The following ZNF277 variants were observed in gnomAD, a reference collection of about 807,000 sequenced individuals.
The protein encoded by ZNF277 is zinc finger protein 277.
ZNF277 carries 55 observed loss-of-function variants against 60.7 expected under a neutral mutation model. The ratio of observed to expected loss-of-function variants is 0.91; its 90% CI spans 0.73 to 1.13. The LOEUF (loss-of-function observed/expected upper bound fraction) is 1.13. Ranked by LOEUF, ZNF277 falls within the 50% of genes most tolerant of loss-of-function variation. The pLI is 0.00. For missense variants in ZNF277, 510 were observed against 523.0 expected (o/e 0.98, Z 0.24); for synonymous variants, 178 against 179.3 (o/e 0.99, Z 0.06).
At chr7:112,283,171 CA>C (rs963459311) in intron 1 of ZNF277, among the ~76,000 whole-genome samples, 1 of 152,004 alleles carries the variant, frequency 6.6e-6, no homozygotes, top group African/African-American at 2.4e-5. Flanking sequence ...AGCAAGGTGC[CA>C]AAAAATCATT....
chr7:112,319,290 C>A lies in ZNF277; in HGVS notation c.557+1017C>A, dbSNP rs1792920075. On this transcript the variant is annotated intron_variant, in intron 5 of 11. Transcript: ENST00000361822. ...TCCCCATCTGGAAGCTATGTAGGGT[C>A]CTACCATGAGTCTCCTCATTCATAT... is the stretch of plus-strand genomic sequence containing the variant. 1.3e-5 allele frequency among the ~76,000 whole-genome samples: 2 copies of A among 152,010 alleles called. 1 individual carries two copies. Among genetic ancestry groups the A allele is most frequent in the South Asian group, 4.1e-4 (2 of 4,830 alleles).
At chr7:112,239,659 A>G (rs553012218) in intron 1 of ZNF277, among the ~76,000 whole-genome samples, 2 of 152,376 alleles carry the variant, frequency 1.3e-5, no homozygotes, top group Admixed American at 6.5e-5. Context: ...GACCTGTCCT[A>G]CAAGACATGC....
rs948770808 is a variant in ZNF277 at position 112,215,957 on chromosome 7, T to C, written c.91+9150T>C. On this transcript the variant is annotated intron_variant, in intron 1 of 11. Transcript: ENST00000361822. ...ATATCCTGTACCCGCTAATCGTAAT[T>C]ACCATTATAAAGCAATTAATAGCAG... 3.3e-5 allele frequency among the ~76,000 whole-genome samples: 5 copies of C among 152,218 alleles called. No homozygotes were observed. The South Asian group carries it at 6.2e-4, about 19-fold the overall frequency.
Position 112,282,568 on chromosome 7 carries a change from G to C in ZNF277, c.92-4305G>C, listed in dbSNP as rs1791972222. Among the ~76,000 whole-genome samples, 3 of 152,346 alleles carry C rather than the reference G, an allele frequency of 2.0e-5. No homozygotes were observed. The South Asian group carries it at 6.2e-4, about 32-fold the overall frequency. On this transcript the variant is annotated intron_variant, in intron 1 of 11. Transcript: ENST00000361822. ...TGTAGCCAGTCAGTAATCAAGAACT[G>C]TACATTTAACCTCTATCCCTCTCCT...
At chr7:112,326,922 G>C (rs1045198428) in intron 5 of ZNF277, among the ~76,000 whole-genome samples, 1 of 152,030 alleles carries the variant, frequency 6.6e-6, no homozygotes, top group Non-Finnish European at 1.5e-5. Context: ...TTTTTGCTAT[G>C]TAAAAGTTAC....
chr7:112,278,501 C>A (rs1445636509), intron 1 of ZNF277, among the ~76,000 whole-genome samples: 1 of 152,106 alleles, frequency 6.6e-6, no homozygotes, highest in Admixed American at 6.6e-5. Context: ...AGGAACTAAC[C>A]TATAATTGAC....
At chr7:112,308,325 A>G (rs1009460521) in intron 4 of ZNF277, among the ~76,000 whole-genome samples, 2 of 151,612 alleles carry the variant, frequency 1.3e-5, no homozygotes, top group Admixed American at 6.6e-5. Context: ...GACCAGCCTG[A>G]CCAACATAGC....
At chr7:112,242,191 T>C (rs1790973042) in intron 1 of ZNF277, among the ~76,000 whole-genome samples, 1 of 151,980 alleles carries the variant, frequency 6.6e-6, no homozygotes, top group African/African-American at 2.4e-5. Context: ...TGAAAGAGTA[T>C]ACAGTACAAT....
chr7:112,330,447 C>T (rs920797027), intron 7 of ZNF277: 8 of 459,666 alleles, frequency 1.7e-5, no homozygotes, highest in Middle Eastern at 5.6e-4. Context: ...CTAGAACTCA[C>T]AGTCATCTTG....
Position 112,238,298 on chromosome 7 carries a change from G to A in ZNF277, c.91+31491G>A, listed in dbSNP as rs193154003. 1.4e-4 allele frequency among the ~76,000 whole-genome samples: 22 copies of A among 152,314 alleles called. No individual in the cohort carries two copies. In the South Asian group the frequency reaches 1.4e-3, roughly 10 times the overall value. On this transcript the variant is annotated intron_variant, in intron 1 of 11. Transcript: ENST00000361822. ...TTGCATTGGAGCTCTGTGCTGCCCT[G>A]TCACAGTGGAAAGCAACACAGGGCA... is the stretch of plus-strand genomic sequence containing the variant.
intron 1 of ZNF277, among the ~76,000 whole-genome samples, chr7:112,235,964 A>G (rs1008082547): frequency 6.6e-6 from 1 of 152,078 alleles, no homozygotes; most frequent in Non-Finnish European, 1.5e-5. Context: ...GGTTTAAGAA[A>G]GTAATCCAGC....
chr7:112,224,622 T>C (rs1477496627), intron 1 of ZNF277, among the ~76,000 whole-genome samples: 1 of 152,110 alleles, frequency 6.6e-6, no homozygotes, highest in Non-Finnish European at 1.5e-5. Context: ...TTTCAGCTAT[T>C]GAGGGTGGTG....
In ZNF277 at chr7:112,338,242, A is replaced by T. The variant is rs563257282; in HGVS notation, c.966+416A>T. ...GAGAGGAGCTAGGGCATGATCCTAC[A>T]GTTCCTTCAGGTGCCAGGATTTAGA... On this transcript the variant is annotated intron_variant, in intron 9 of 11. Coordinates refer to ENST00000361822, the MANE Select transcript of ZNF277 (RefSeq NM_021994.3). Among the ~76,000 whole-genome samples the T allele has an allele frequency of 2.6e-4, 40 of 152,316 alleles. 3 individuals carry two copies. In the South Asian group the frequency reaches 8.1e-3, roughly 31 times the overall value.
At chr7:112,215,407 T>G (rs1037895288) in intron 1 of ZNF277, among the ~76,000 whole-genome samples, 11 of 152,184 alleles carry the variant, frequency 7.2e-5, no homozygotes, top group African/African-American at 1.2e-4. Flanking sequence ...TGATGGCATT[T>G]GGTGGTGTTT....
intron 1 of ZNF277, among the ~76,000 whole-genome samples, chr7:112,273,304 C>T (rs1388626646): frequency 1.3e-5 from 2 of 152,140 alleles, no homozygotes; most frequent in Non-Finnish European, 1.5e-5. Flanking sequence ...CCGAGTTCTG[C>T]CTGGTGTTGC....
chr7:112,211,911 A>G (rs1821758546), intron 1 of ZNF277, among the ~76,000 whole-genome samples: 1 of 152,252 alleles, frequency 6.6e-6, no homozygotes, highest in South Asian at 2.1e-4. Flanking sequence ...CATACAGTAA[A>G]CATTGTATAA....
chr7:112,339,042 A>G (rs1793389740), intron 9 of ZNF277, among the ~76,000 whole-genome samples: 1 of 152,244 alleles, frequency 6.6e-6, no homozygotes, highest in African/African-American at 2.4e-5. Flanking sequence ...AGAAAGCGTG[A>G]TTTATAGGAA....
intron 4 of ZNF277, among the ~76,000 whole-genome samples, chr7:112,313,423 C>G (rs190489294): frequency 5.3e-5 from 8 of 151,872 alleles, no homozygotes; most frequent in Admixed American, 1.3e-4. Context: ...AGCTGGACTA[C>G]AGGCACGCAC....
At chr7:112,211,201 A>C (rs1349325887) in intron 1 of ZNF277, among the ~76,000 whole-genome samples, 1 of 152,008 alleles carries the variant, frequency 6.6e-6, no homozygotes, top group Non-Finnish European at 1.5e-5. Context: ...GGTGATGTAA[A>C]CTCCTCATTC....
Sources: allele counts gnomAD v4.1 joint callset (sites outside exome capture counted in the v4.1 genomes callset), GRCh38; gene constraint gnomAD v4.1.1; transcripts MANE v1.5; gene names NCBI Gene and HGNC (gene_info 2026-07-23, HGNC 2026-07-21).